The following OPCML variants were observed in gnomAD, a reference collection of about 807,000 sequenced individuals.
OPCML encodes the protein opioid-binding protein/cell adhesion molecule.
In OPCML, 13 loss-of-function variants were observed where a neutral mutation model predicts 37.8. That is an observed-to-expected ratio of 0.34 (90% CI 0.22 to 0.55). The LOEUF is 0.55. Among genes scored for constraint, OPCML ranks in the 20% least tolerant of loss-of-function variants. OPCML has a pLI of 0.91. For missense variants in OPCML, 341 were observed against 435.6 expected, an observed-to-expected ratio of 0.78 and a Z score of 1.93; for synonymous variants, 176 against 168.8, an observed-to-expected ratio of 1.04 and a Z score of -0.33.
At chr11:132,895,023 A>G (rs555530101) in intron 2 of OPCML, among the ~76,000 whole-genome samples, 1 of 152,302 alleles carries the variant, frequency 6.6e-6, no homozygotes, top group African/African-American at 2.4e-5. Context: ...AACACTGACT[A>G]GTGCAGATTT....
intron 1 of OPCML, among the ~76,000 whole-genome samples, chr11:133,461,445 A>C (rs1334289562): frequency 1.3e-5 from 2 of 151,952 alleles, no homozygotes; most frequent in Non-Finnish European, 2.9e-5. Context: ...CTATATACTA[A>C]TAGTGAACAA....
At chr11:133,126,192 T>C (rs1949512638) in intron 1 of OPCML, among the ~76,000 whole-genome samples, 3 of 151,916 alleles carry the variant, frequency 2.0e-5, no homozygotes, top group South Asian at 2.1e-4. Context: ...AAGCCAGTGG[T>C]ATAAATCAGT....
Position 133,055,146 on chromosome 11 carries a change from C to A in OPCML, c.62-112136G>T, listed in dbSNP as rs556927614. Among the ~76,000 whole-genome samples the A allele has an allele frequency of 3.4e-5, 5 of 148,862 alleles. No individual in the cohort carries two copies. The South Asian group carries it at 6.4e-4, about 19-fold the overall frequency. ...CATGATACTTCCAAGTGGTGAGACC[C>A]CATGAGGGAGCCGCCTCTACCATAT... On this transcript the variant is annotated intron_variant, in intron 1 of 7. Coordinates refer to ENST00000524381, the MANE Select transcript of OPCML (RefSeq NM_001012393.5).
intron 2 of OPCML, among the ~76,000 whole-genome samples, chr11:132,918,097 A>G (rs1275801383): frequency 6.6e-6 from 1 of 152,252 alleles, no homozygotes; most frequent in African/African-American, 2.4e-5. Context: ...GTAAAAGCAC[A>G]ATGTAATCTT....
intron 2 of OPCML, among the ~76,000 whole-genome samples, chr11:132,937,705 C>T (rs532191187): frequency 1.3e-5 from 2 of 151,850 alleles, no homozygotes; most frequent in East Asian, 3.9e-4. Context: ...GCCAGCCTTG[C>T]TCTCCCAGGC....
At chr11:132,891,997 T>C (rs2659601) in intron 2 of OPCML, among the ~76,000 whole-genome samples, 9,473 of 152,230 alleles carry the variant, frequency 0.062, 429 homozygotes, top group South Asian at 0.14. Flanking sequence ...ACCCACTGCA[T>C]GGATTTCCAG....
At chr11:133,061,229 T>C (rs1591963366) in intron 1 of OPCML, among the ~76,000 whole-genome samples, 2 of 152,212 alleles carry the variant, frequency 1.3e-5, no homozygotes, top group East Asian at 3.9e-4. Context: ...TCCTTTGTGT[T>C]AATTTCTTCT....
At chr11:133,007,877 A>C in intron 1 of OPCML, 1 of 985,436 alleles carries the variant, frequency 1.0e-6, no homozygotes, top group Non-Finnish European at 1.2e-6. Flanking sequence ...TGTGGGGAAA[A>C]TGGTTTATGC....
intron 1 of OPCML, among the ~76,000 whole-genome samples, chr11:133,273,205 T>C (rs908405751): frequency 2.6e-5 from 4 of 152,112 alleles, no homozygotes; most frequent in Non-Finnish European, 5.9e-5. Context: ...ACCAGCACCT[T>C]CTCTTAGGCA....
chr11:133,156,752 G>T (rs887633222), intron 1 of OPCML, among the ~76,000 whole-genome samples: 2 of 152,090 alleles, frequency 1.3e-5, no homozygotes, highest in African/African-American at 4.8e-5. Context: ...TGTCTATTTG[G>T]AATCCCCACA....
Position 133,483,820 on chromosome 11 carries a change from G to GACAGATAGATAGATAGATAGATAA in OPCML, c.61+48443_61+48444insTTATCTATCTATCTATCTATCTGT, listed in dbSNP as rs1947451031. ...TGATAGATAGATAGATAGATAGATAGATAGATAGGATGGATACATAGATGA... is the reference window on the plus strand; with the variant it reads ...TGATAGATAGATAGATAGATAGATAGACAGATAGATAGATAGATAGATAAATAGATAGGATGGATACATAGATGA... On this transcript the variant is annotated intron_variant, in intron 1 of 7. Transcript: ENST00000524381. Among the ~76,000 whole-genome samples, 2 of 149,534 alleles carry GACAGATAGATAGATAGATAGATAA rather than the reference G, an allele frequency of 1.3e-5. 1 individual carries two copies. Among genetic ancestry groups the GACAGATAGATAGATAGATAGATAA allele is most frequent in the Admixed American group, 1.3e-4 (2 of 15,082 alleles).
chr11:132,990,302 C>T (rs143112174), intron 1 of OPCML, among the ~76,000 whole-genome samples: 5 of 152,334 alleles, frequency 3.3e-5, no homozygotes, highest in Admixed American at 6.5e-5. Context: ...CCTGCACTTA[C>T]CATCGATCTA....
At chr11:133,440,842 T>C (rs571903450) in intron 1 of OPCML, among the ~76,000 whole-genome samples, 1 of 147,608 alleles carries the variant, frequency 6.8e-6, no homozygotes, top group Admixed American at 6.7e-5. Context: ...ATCATATATA[T>C]ATATGATTTC....
intron 1 of OPCML, among the ~76,000 whole-genome samples, chr11:133,063,774 C>A (rs1052671220): frequency 2.0e-5 from 3 of 152,154 alleles, no homozygotes; most frequent in African/African-American, 2.4e-5. Flanking sequence ...GTTAGCCAGG[C>A]TGGTCTTGAA....
At chr11:132,609,732 C>A (rs1424986964) in intron 3 of OPCML, among the ~76,000 whole-genome samples, 1 of 152,082 alleles carries the variant, frequency 6.6e-6, no homozygotes, top group African/African-American at 2.4e-5. Context: ...ATAGCTATCA[C>A]CCTTTCATTC....
chr11:132,638,278 G>T (rs1253845827), intron 3 of OPCML, among the ~76,000 whole-genome samples: 1 of 151,052 alleles, frequency 6.6e-6, no homozygotes, highest in Non-Finnish European at 1.5e-5. Context: ...TATAGATCTT[G>T]TAACTCTGGT....
At position 132,860,251 on chromosome 11, in the gene OPCML, G is replaced by A. The variant is rs75700481; in HGVS notation, c.146+82675C>T. ...TCTATTGCAGGGAACTTAATAACTT[G>A]CAGACAGCCACACACTTCTCATGTT... On this transcript the variant is annotated intron_variant, in intron 2 of 7. Transcript: ENST00000524381. 6.5e-3 allele frequency among the ~76,000 whole-genome samples: 989 copies of A among 152,300 alleles called. 15 individuals carry two copies. The highest frequency in any genetic ancestry group is 0.021 in the African/African-American group (888 of 41,570).
chr11:133,456,476 T>TAA (rs145927923), intron 1 of OPCML, among the ~76,000 whole-genome samples: 158 of 145,420 alleles, frequency 1.1e-3, no homozygotes, highest in African/African-American at 3.7e-3. Context: ...TCACAAGACA[T>TAA]AAAAAAAAAA....
chr11:133,136,876 T>TGTGTGTGTG (rs1949700828), intron 1 of OPCML, among the ~76,000 whole-genome samples: 4 of 102,476 alleles, frequency 3.9e-5, no homozygotes, highest in East Asian at 3.1e-4. Flanking sequence ...TGTGTGTGTG[T>TGTGTGTGTG]TGGGGAAGGG....
Sources: allele counts gnomAD v4.1 joint callset (sites outside exome capture counted in the v4.1 genomes callset), GRCh38; gene constraint gnomAD v4.1.1; transcripts MANE v1.5; gene names NCBI Gene and HGNC (gene_info 2026-07-23, HGNC 2026-07-21).